The following RGS6 variants were observed in gnomAD, a reference collection of about 807,000 sequenced individuals.
The protein encoded by RGS6 is regulator of G protein signaling 6.
A neutral mutation model predicts 78.5 loss-of-function variants in RGS6; 30 were observed. The observed-to-expected ratio is 0.38, with a 90% CI of 0.29 to 0.52. The LOEUF is 0.52. RGS6 is among the 20% of genes least tolerant of loss of function. RGS6 has a pLI of 0.85. For missense variants in RGS6, 495 were observed against 609.7 expected, an observed-to-expected ratio of 0.81 and a Z score of 1.98; for synonymous variants, 206 against 206.0, an observed-to-expected ratio of 1.00 and a Z score of 0.00.
At chr14:72,181,133 C>T (rs1257912034) in intron 2 of RGS6, among the ~76,000 whole-genome samples, 1 of 152,274 alleles carries the variant, frequency 6.6e-6, no homozygotes. Context: ...AATTAAAGTA[C>T]TTTGCTTTAT....
intron 3 of RGS6, among the ~76,000 whole-genome samples, chr14:72,363,684 C>T (rs1041966024): frequency 1.3e-5 from 2 of 152,126 alleles, no homozygotes; most frequent in Middle Eastern, 3.2e-3. Flanking sequence ...TTAACTTTTT[C>T]TCTTCTGAAA....
chr14:72,507,891 A>G (rs1222812623), intron 13 of RGS6, among the ~76,000 whole-genome samples: 7 of 152,228 alleles, frequency 4.6e-5, no homozygotes, highest in Non-Finnish European at 1.0e-4. Context: ...CTTGGCAGAA[A>G]GAGACAATGT....
chr14:72,047,892 A>ATT lies in RGS6; in HGVS notation c.84+83021_84+83022dup, dbSNP rs1470612017. ...AGGCATGTGCCACTATGCCCAGCTA[A>ATT]TTTTTGTTTTTTTTTTTTTTTTTTT... On this transcript the variant is annotated intron_variant, in intron 2 of 17. Transcript: ENST00000553525. 3.0e-4 allele frequency among the ~76,000 whole-genome samples: 25 copies of ATT among 83,438 alleles called. 1 individual carries two copies. Among genetic ancestry groups the ATT allele is most frequent in the East Asian group, 4.6e-4 (1 of 2,154 alleles). 54.7% of individuals were successfully genotyped at this position (83,438 alleles called of 152,430 possible).
chr14:72,277,756 C>T lies in RGS6; in HGVS notation c.85-74339C>T, dbSNP rs562414800. Among the ~76,000 whole-genome samples, 415 of 151,946 alleles carry T rather than the reference C, an allele frequency of 2.7e-3. 1 individual carries two copies. Among genetic ancestry groups the T allele is most frequent in the African/African-American group, 7.0e-3 (292 of 41,434 alleles). ...CAGCCTGGTCGACATGGTGAAACCC[C>T]GTCTCTACCAAAAATACAAAAATTA... On this transcript the variant is annotated intron_variant, in intron 2 of 17. Transcript: ENST00000553525.
chr14:71,955,239 G>A (rs186554560), intron 1 of RGS6, among the ~76,000 whole-genome samples: 7 of 152,254 alleles, frequency 4.6e-5, no homozygotes, highest in East Asian at 1.9e-4. Context: ...ACCTGAGCCC[G>A]GCTGGTGTGG....
intron 2 of RGS6, among the ~76,000 whole-genome samples, chr14:72,250,455 G>T (rs1006731747): frequency 8.6e-6 from 1 of 116,746 alleles, no homozygotes; most frequent in Non-Finnish European, 1.8e-5. Flanking sequence ...CTCAAAAAAA[G>T]AAAAAAGAAG....
At chr14:72,041,451 G>A (rs1205191783) in intron 2 of RGS6, among the ~76,000 whole-genome samples, 1 of 152,204 alleles carries the variant, frequency 6.6e-6, no homozygotes, top group Non-Finnish European at 1.5e-5. Context: ...GTTCTCTGCA[G>A]CCCTAGATGT....
chr14:72,437,771 A>G (rs978884994), intron 3 of RGS6, among the ~76,000 whole-genome samples: 4 of 152,146 alleles, frequency 2.6e-5, no homozygotes, highest in Non-Finnish European at 5.9e-5. Context: ...TCCACCCCGC[A>G]GTCTTCCAGC....
chr14:72,174,243 G>A (rs2097071536), intron 2 of RGS6, among the ~76,000 whole-genome samples: 2 of 152,242 alleles, frequency 1.3e-5, no homozygotes, highest in African/African-American at 4.8e-5. Context: ...GAGTAGCTGG[G>A]ATTACAGGCA....
chr14:72,609,086 A>T, the RGS6 span, among the ~76,000 whole-genome samples: 1 of 152,244 alleles, frequency 6.6e-6, no homozygotes, highest in African/African-American at 2.4e-5. Context: ...CAGACAAAAG[A>T]TTCACTACGT....
At chr14:72,163,529 A>G (rs147309061) in intron 2 of RGS6, among the ~76,000 whole-genome samples, 5 of 152,366 alleles carry the variant, frequency 3.3e-5, no homozygotes, top group Non-Finnish European at 7.3e-5. Context: ...AGCAACACTT[A>G]GCAGACCGGA....
At chr14:72,011,582 TA>T (rs57661696) in intron 2 of RGS6, among the ~76,000 whole-genome samples, 27,800 of 150,896 alleles carry the variant, frequency 0.18, 2,548 homozygotes, top group Middle Eastern at 0.2. Context: ...CTCAAAAATA[TA>T]AAAAAAAAAA....
At chr14:72,412,203 T>G (rs1317355134) in intron 3 of RGS6, among the ~76,000 whole-genome samples, 1 of 152,140 alleles carries the variant, frequency 6.6e-6, no homozygotes, top group Non-Finnish European at 1.5e-5. Flanking sequence ...GTCCTGGACT[T>G]TTTTTGGTTG....
chr14:72,300,173 T>C (rs1454903457), intron 2 of RGS6, among the ~76,000 whole-genome samples: 4 of 152,102 alleles, frequency 2.6e-5, no homozygotes, highest in African/African-American at 7.2e-5. Flanking sequence ...TAGCTTTTAC[T>C]TTTTCTCTAT....
intron 3 of RGS6, among the ~76,000 whole-genome samples, chr14:72,411,113 A>G (rs1243897309): frequency 6.6e-6 from 1 of 152,164 alleles, no homozygotes; most frequent in Non-Finnish European, 1.5e-5. Flanking sequence ...GAAGAAAGTC[A>G]TTGGTAGCTT....
intron 13 of RGS6, among the ~76,000 whole-genome samples, chr14:72,496,273 G>A (rs2096643951): frequency 6.6e-6 from 1 of 152,222 alleles, no homozygotes; most frequent in Non-Finnish European, 1.5e-5. Flanking sequence ...AACTCACAGA[G>A]TTACCACTGG....
chr14:72,118,345 C>A (rs146109536), intron 2 of RGS6, among the ~76,000 whole-genome samples: 2 of 152,232 alleles, frequency 1.3e-5, no homozygotes, highest in African/African-American at 4.8e-5. Context: ...TATTTCCCTC[C>A]ATCTATACCC....
the RGS6 span, among the ~76,000 whole-genome samples, chr14:71,919,099 C>G: frequency 2.0e-5 from 3 of 152,144 alleles, no homozygotes; most frequent in Admixed American, 2.0e-4. Flanking sequence ...GCTCATGTGC[C>G]CACAGGGGCT....
At chr14:72,380,900 A>G (rs2085910374) in intron 3 of RGS6, among the ~76,000 whole-genome samples, 1 of 152,158 alleles carries the variant, frequency 6.6e-6, no homozygotes, top group Non-Finnish European at 1.5e-5. Flanking sequence ...TTATATAGCC[A>G]AGATATGGAA....
Sources: allele counts gnomAD v4.1 joint callset (sites outside exome capture counted in the v4.1 genomes callset), GRCh38; gene constraint gnomAD v4.1.1; transcripts MANE v1.5; gene names NCBI Gene and HGNC (gene_info 2026-07-23, HGNC 2026-07-21).